The following KRT8 variants were observed in gnomAD, a reference collection of about 807,000 sequenced individuals.
KRT8 encodes keratin 8, also known as keratin, type II cytoskeletal 8.
KRT8 carries 24 observed loss-of-function variants against 43.0 expected under a neutral mutation model. The observed-to-expected ratio is 0.56, with a 90% CI of 0.40 to 0.78. The LOEUF (loss-of-function observed/expected upper bound fraction) is 0.78, where lower values mean the gene tolerates loss of function less well. KRT8 is among the 30% of genes least tolerant of loss of function. The pLI is 0.00. For missense variants in KRT8, 492 were observed against 638.4 expected (o/e 0.77, Z 2.47); for synonymous variants, 214 against 261.2 (o/e 0.82, Z 1.74).
At chr12:52,928,416 G>A (rs1182054990) in intron 2 of KRT8, among the ~76,000 whole-genome samples, 1 of 152,144 alleles carries the variant, frequency 6.6e-6, no homozygotes, top group Non-Finnish European at 1.5e-5. Context: ...CCCCTTGGAG[G>A]TGGAGATGGC....
upstream of KRT8, among the ~76,000 whole-genome samples, chr12:52,906,113 C>T (rs1026073907): frequency 6.6e-6 from 1 of 152,182 alleles, no homozygotes; most frequent in African/African-American, 2.4e-5. Flanking sequence ...CAACACAGCA[C>T]TTTTCCTGAA....
intron 2 of KRT8, among the ~76,000 whole-genome samples, chr12:52,929,020 C>T (rs1942041042): frequency 6.6e-6 from 1 of 152,156 alleles, no homozygotes; most frequent in South Asian, 2.1e-4. Flanking sequence ...TACTCGTTGT[C>T]AATTTTTCAC....
At chr12:52,926,260 G>A (rs544529512) in intron 2 of KRT8, among the ~76,000 whole-genome samples, 9 of 149,166 alleles carry the variant, frequency 6.0e-5, no homozygotes, top group African/African-American at 1.7e-4. Context: ...AGAGCTTCCC[G>A]TTGCCTTCAG....
intron 2 of KRT8, among the ~76,000 whole-genome samples, chr12:52,943,139 C>T (rs1942292569): frequency 6.6e-6 from 1 of 152,208 alleles, no homozygotes; most frequent in Non-Finnish European, 1.5e-5. Context: ...CTGTCTCATC[C>T]TAAGGCAACC....
intron 2 of KRT8, among the ~76,000 whole-genome samples, chr12:52,920,413 C>A: frequency 6.6e-6 from 1 of 151,868 alleles, no homozygotes; most frequent in Non-Finnish European, 1.5e-5. Flanking sequence ...GCCTGACCAA[C>A]ATGGAGAAAC....
At chr12:52,904,577 G>A in intron 1 of KRT8, 81 bp downstream of exon 1, 2 of 1,324,190 alleles carry the variant, frequency 1.5e-6, no homozygotes, top group South Asian at 2.4e-5. Flanking sequence ...GCCAGCTGGG[G>A]GCTGGAGATG....
rs1942200285 is a variant in KRT8, at chr12:52,938,147, T to TATATATATAC, written c.-47+11308_-47+11309insGTATATATAT. On this transcript the variant is annotated intron_variant, in intron 2 of 6. Coordinates refer to the KRT8 transcript ENST00000546826. ...CACCCACTAGAAAGCTATATATATA[T>TATATATATAC]ATATATATATATATATATATATATT... is the stretch of plus-strand genomic sequence containing the variant. Among the ~76,000 whole-genome samples, 4 of 31,448 alleles carry TATATATATAC rather than the reference T, an allele frequency of 1.3e-4. 1 individual carries two copies. Among genetic ancestry groups the TATATATATAC allele is most frequent in the Non-Finnish European group, 2.4e-4 (4 of 16,648 alleles). The allele number at this position is 31,448 out of a possible 152,430, so 20.6% of individuals were successfully genotyped here.
exon 6 of KRT8, chr12:52,898,896 C>T (rs549557181): frequency 5.0e-6 from 8 of 1,613,320 alleles, no homozygotes; most frequent in Non-Finnish European, 8.5e-7. Flanking sequence ...TCCAGGGAAG[C>T]CCTCTGTGGG....
At chr12:52,941,396 T>C (rs999911357) in intron 2 of KRT8, among the ~76,000 whole-genome samples, 7 of 151,798 alleles carry the variant, frequency 4.6e-5, no homozygotes, top group African/African-American at 1.5e-4. Flanking sequence ...TTCTGGTGGA[T>C]GCTATAAAAA....
At chr12:52,902,106 A>G (rs1305085596) in intron 1 of KRT8, 34 bp from the exon 2 acceptor site, 6 of 1,377,434 alleles carry the variant, frequency 4.4e-6, no homozygotes, top group African/African-American at 2.8e-5. Flanking sequence ...AAAGGTCTAC[A>G]TCAGGCCAGG....
intron 2 of KRT8, among the ~76,000 whole-genome samples, chr12:52,920,105 G>A (rs1287303128): frequency 1.3e-5 from 2 of 152,174 alleles, no homozygotes; most frequent in Non-Finnish European, 2.9e-5. Flanking sequence ...TTTCAATTAT[G>A]CTGTTTTATA....
exon 2 of KRT8, chr12:52,949,583 G>A (rs1686658712): frequency 6.2e-7 from 1 of 1,613,672 alleles, no homozygotes; most frequent in African/African-American, 1.3e-5. Flanking sequence ...GAGGACCTGA[G>A]GGCTCAGGTA....
At chr12:52,899,427 T>C (rs138138177) in intron 5 of KRT8, among the ~76,000 whole-genome samples, 3,573 of 152,206 alleles carry the variant, frequency 0.023, 72 homozygotes, top group Admixed American at 0.052. Context: ...AAGGTCCCCC[T>C]ACCCTAACTG....
chr12:52,905,201 G>A (rs1941487583), upstream of KRT8: 1 of 794,260 alleles, frequency 1.3e-6, no homozygotes, highest in Non-Finnish European at 1.9e-6. Context: ...GACTCAGGTG[G>A]GGGCAGCAGA....
At chr12:52,940,408 G>C (rs1942246716) in intron 2 of KRT8, among the ~76,000 whole-genome samples, 1 of 148,536 alleles carries the variant, frequency 6.7e-6, no homozygotes, top group Non-Finnish European at 1.5e-5. Flanking sequence ...ACTCCAGCCT[G>C]GGCGACAGAG....
At chr12:52,917,660 G>T (rs1392694638) in intron 2 of KRT8, among the ~76,000 whole-genome samples, 1 of 149,314 alleles carries the variant, frequency 6.7e-6, no homozygotes, top group East Asian at 2.0e-4. Context: ...AGCGAGACAA[G>T]ATTGTGCCAT....
At chr12:52,922,210 A>G (rs1941901855) in intron 2 of KRT8, among the ~76,000 whole-genome samples, 1 of 149,402 alleles carries the variant, frequency 6.7e-6, no homozygotes, top group Admixed American at 6.7e-5. Flanking sequence ...AAAAAAAAAA[A>G]AAAAAAAAAA....
chr12:52,918,190 G>GAAGAAGAAGAAC (rs1941803454), intron 2 of KRT8, among the ~76,000 whole-genome samples: 1 of 122,934 alleles, frequency 8.1e-6, no homozygotes, highest in Non-Finnish European at 1.7e-5. Context: ...GGAAGAAGAA[G>GAAGAAGAAGAAC]AAGAAGAAGA....
chr12:52,898,577 A>T (rs1040201582), intron 6 of KRT8, 58 bp from the exon 7 acceptor site: 1 of 1,612,346 alleles, frequency 6.2e-7, no homozygotes, highest in Non-Finnish European at 8.5e-7. Context: ...GGCCCAGAAC[A>T]ACAGGACCCC....
Sources: gnomAD v4.1 joint callset for allele counts (sites outside exome capture counted in the v4.1 genomes callset) on GRCh38, gnomAD v4.1.1 for gene constraint, MANE v1.5 for transcripts, NCBI Gene and HGNC (gene_info 2026-07-23, HGNC 2026-07-21) for gene names.